The following ADGRD1 variants were observed in gnomAD, a reference collection of about 807,000 sequenced individuals.
The protein encoded by ADGRD1 is adhesion G protein-coupled receptor D1.
ADGRD1 carries 77 observed loss-of-function variants against 113.4 expected under a neutral mutation model. That is an observed-to-expected ratio of 0.68 (90% CI 0.57 to 0.82). The LOEUF is 0.82. Ranked by LOEUF, ADGRD1 falls within the 40% of genes least tolerant of loss-of-function variation. ADGRD1 has a pLI of 0.00. For synonymous variants in ADGRD1, 474 were observed against 475.0 expected, an observed-to-expected ratio of 1.00 and a Z score of 0.03; for missense variants, 1,036 against 1,139.1, an observed-to-expected ratio of 0.91 and a Z score of 1.30.
At chr12:131,135,575 A>T (rs372724638) in intron 21 of ADGRD1, among the ~76,000 whole-genome samples, 125 of 152,184 alleles carry the variant, frequency 8.2e-4, no homozygotes, top group African/African-American at 2.7e-3. Context: ...GCCTGGAGAA[A>T]TCTTCCTGGC....
intron 18 of ADGRD1, among the ~76,000 whole-genome samples, chr12:131,114,205 T>C (rs1269937421): frequency 2.0e-5 from 3 of 152,182 alleles, no homozygotes; most frequent in African/African-American, 4.8e-5. Context: ...TTTTATTTGA[T>C]CTGCACAATG....
chr12:131,108,265 G>A (rs1323205083), intron 17 of ADGRD1, among the ~76,000 whole-genome samples: 2 of 152,194 alleles, frequency 1.3e-5, no homozygotes, highest in East Asian at 3.9e-4. Context: ...GTAGGGTTCA[G>A]CCACATGGCA....
In ADGRD1 at chr12:131,019,932, G is replaced by C; in HGVS notation, c.1473+5592G>C. Among the ~76,000 whole-genome samples the C allele has an allele frequency of 4.1e-5, 2 of 48,924 alleles. 1 individual carries two copies. Among genetic ancestry groups the C allele is most frequent in the Non-Finnish European group, 1.0e-4 (2 of 19,454 alleles). 32.1% of individuals were successfully genotyped at this position (48,924 alleles called of 152,430 possible). ...CCATCAAGGGCAGGGGGTGCTCGAGGGAGATGTTCCAGGGAAGGACCCCGA... is the reference window on the plus strand; with the variant it reads ...CCATCAAGGGCAGGGGGTGCTCGAGCGAGATGTTCCAGGGAAGGACCCCGA... On this transcript the variant is annotated intron_variant, in intron 13 of 24. Coordinates refer to ENST00000261654, the MANE Select transcript of ADGRD1 (RefSeq NM_198827.5).
chr12:130,958,149 T>A (rs1869885423), intron 2 of ADGRD1: 2 of 150,996 alleles, frequency 1.3e-5, no homozygotes, highest in South Asian at 4.3e-4. Flanking sequence ...CTTTTTTCCA[T>A]TTCCCTCCCT....
At position 130,954,603 on chromosome 12, in the gene ADGRD1, A is replaced by G. The variant is rs1332614814; in HGVS notation, c.67-21A>G. The stretch of plus-strand genomic sequence containing the variant: ...GAGGCTTTCCCTGAGTGTGTCTCAC[A>G]CTGTGGTCTTTTGTGCGCAGGTGCG... On this transcript the variant is annotated intron_variant, in intron 1 of 24. Transcript: ENST00000261654. This position sits in a 1 kb window ranked among gnomAD's most constrained non-coding sequence, Gnocchi z 4.7. 4 of 1,613,948 alleles carry G rather than the reference A, an allele frequency of 2.5e-6. No homozygotes were observed. The highest frequency in any genetic ancestry group is 2.7e-5 in the African/African-American group (2 of 74,924).
rs1410907310 is a variant in ADGRD1 at position 131,057,309 on chromosome 12, G to A, written c.1474-19492G>A. ...AGTGGTTCCTAATGTGTTGAGACAC[G>A]CCGCGGACCAGAGAATGCTTGGAAG... On this transcript the variant is annotated intron_variant, in intron 13 of 24. Transcript: ENST00000261654. This position sits in a 1 kb window ranked among gnomAD's most constrained non-coding sequence, Gnocchi z 4.2. Among the ~76,000 whole-genome samples, 3 of 152,176 alleles carry A rather than the reference G, an allele frequency of 2.0e-5. No individual in the cohort carries two copies. Among genetic ancestry groups the A allele is most frequent in the Admixed American group, 6.5e-5 (1 of 15,282 alleles).
chr12:130,972,364 T>C (rs1871773164), intron 4 of ADGRD1, among the ~76,000 whole-genome samples: 1 of 152,184 alleles, frequency 6.6e-6, no homozygotes, highest in Non-Finnish European at 1.5e-5. Flanking sequence ...TAAGGCATTT[T>C]GGACATCAGA....
chr12:131,011,084 C>A (rs1331114034), intron 12 of ADGRD1, among the ~76,000 whole-genome samples: 1 of 145,664 alleles, frequency 6.9e-6, no homozygotes, highest in Non-Finnish European at 1.5e-5. Flanking sequence ...TCTGCCCCAC[C>A]CTGCCCCACC....
Position 130,971,677 on chromosome 12 carries a change from A to C in ADGRD1, c.310+97A>C. ...TGGAAGATGTGAACCTGAGGTTCTC[A>C]TCAATTGCAGAATGCGTGAGAATGT... On this transcript the variant is annotated intron_variant, in intron 4 of 24. Transcript: ENST00000261654. The surrounding 1 kb of genome is among the most constrained non-coding windows in gnomAD (Gnocchi z 4.2). The C allele has an allele frequency of 1.5e-6, 2 of 1,332,892 alleles. No individual in the cohort carries two copies. The highest frequency in any genetic ancestry group is 2.1e-6 in the Non-Finnish European group (2 of 974,528). The allele number at this position is 1,332,892 out of a possible 1,614,324, so 82.6% of individuals were successfully genotyped here.
At chr12:131,083,276 G>T (rs1199284208) in intron 14 of ADGRD1, among the ~76,000 whole-genome samples, 1 of 151,976 alleles carries the variant, frequency 6.6e-6, no homozygotes, top group Non-Finnish European at 1.5e-5. Context: ...CTTCAGGGAA[G>T]AACCATTTAA....
intron 4 of ADGRD1, among the ~76,000 whole-genome samples, chr12:130,976,464 T>C (rs73473206): frequency 0.08 from 12,145 of 152,240 alleles, 775 homozygotes; most frequent in African/African-American, 0.18. Flanking sequence ...GTGCTGATTC[T>C]GAGTCTCAGT....
intron 15 of ADGRD1, among the ~76,000 whole-genome samples, chr12:131,093,049 C>T (rs147295886): frequency 1.1e-4 from 17 of 152,070 alleles, no homozygotes; most frequent in Admixed American, 3.3e-4. Flanking sequence ...CAAGCAGCTG[C>T]CCCTCCTCAT....
In ADGRD1 at chr12:131,019,432, C is replaced by T. The variant is rs371616849; in HGVS notation, c.1473+5092C>T. 2.6e-5 allele frequency among the ~76,000 whole-genome samples: 4 copies of T among 152,326 alleles called. No individual in the cohort carries two copies. The East Asian group carries it at 7.7e-4, about 29-fold the overall frequency. On this transcript the variant is annotated intron_variant, in intron 13 of 24. Coordinates refer to ENST00000261654, the MANE Select transcript of ADGRD1 (RefSeq NM_198827.5). ...ACGATCGGTCAGAATCTGCAGTGTT[C>T]TCTTCAGTCAAAATTGCTCACTGCG...
At chr12:131,004,119 G>T in intron 10 of ADGRD1, 67 bp from the exon 11 acceptor site, 3 of 945,236 alleles carry the variant, frequency 3.2e-6, no homozygotes, top group South Asian at 2.7e-5. Flanking sequence ...ACGGGGTTTT[G>T]CAGTCTGATT....
At chr12:130,979,544 C>T (rs1031356841) in intron 4 of ADGRD1, among the ~76,000 whole-genome samples, 7 of 152,190 alleles carry the variant, frequency 4.6e-5, no homozygotes, top group African/African-American at 1.7e-4. Context: ...CAGTGACTCT[C>T]TAAGACTGTG....
chr12:131,068,036 G>C (rs35274484), intron 13 of ADGRD1, among the ~76,000 whole-genome samples: 73,501 of 146,232 alleles, frequency 0.5, 19,236 homozygotes, highest in Middle Eastern at 0.58. Flanking sequence ...ATGTCTGATC[G>C]CTGTGCCCCT....
At chr12:130,996,355 G>A (rs1480792024) in intron 8 of ADGRD1, among the ~76,000 whole-genome samples, 1 of 132,968 alleles carries the variant, frequency 7.5e-6, no homozygotes, top group Non-Finnish European at 1.7e-5. Flanking sequence ...AGGGGCGGCC[G>A]GGCAGAGGCG....
At chr12:131,030,772 G>A (rs1292507455) in intron 13 of ADGRD1, 1 of 152,272 alleles carries the variant, frequency 6.6e-6, no homozygotes, top group Non-Finnish European at 1.5e-5. Flanking sequence ...GTGGCACACT[G>A]AGACTGTAAA....
chr12:131,100,302 G>C (rs1950040659), intron 15 of ADGRD1, among the ~76,000 whole-genome samples: 1 of 151,240 alleles, frequency 6.6e-6, no homozygotes, highest in Non-Finnish European at 1.5e-5. Context: ...GAATTGGCTG[G>C]TAGATTGGTT....
Sources: gnomAD v4.1 joint callset for allele counts (sites outside exome capture counted in the v4.1 genomes callset) on GRCh38, gnomAD v4.1.1 for gene constraint, Gnocchi (gnomAD v3.1) non-coding constraint, MANE v1.5 for transcripts, NCBI Gene and HGNC (gene_info 2026-07-23, HGNC 2026-07-21) for gene names.